SDR42E1: variants seen among roughly 807,000 people sequenced by gnomAD.
SDR42E1 encodes the protein short chain dehydrogenase/reductase family 42E, member 1.
A neutral mutation model predicts 2.6 loss-of-function variants in SDR42E1; 5 were observed. The ratio of observed to expected loss-of-function variants is 1.94; its 90% CI spans 1.01 to 4.08. The LOEUF (loss-of-function observed/expected upper bound fraction) is 4.08. Among genes scored for constraint, SDR42E1 ranks in the 30% most tolerant of loss-of-function variants. The pLI, the probability that SDR42E1 is intolerant of heterozygous loss-of-function variation, is 0.00. For missense variants in SDR42E1, 596 were observed against 478.6 expected (o/e 1.25, Z -2.29); for synonymous variants, 231 against 188.3 (o/e 1.23, Z -1.86).
rs1470116113 is a variant in SDR42E1, at chr16:82,007,108, C to T, written c.-27+4279G>A. Among the ~76,000 whole-genome samples the T allele has an allele frequency of 1.3e-5, 2 of 152,220 alleles. 1 individual carries two copies. Among genetic ancestry groups the T allele is most frequent in the South Asian group, 4.1e-4 (2 of 4,820 alleles). Reference sequence around the variant, plus strand: ...TATTTCCCATCTGTTTCCCAAGCTACAGTATAAATGCCATGTGAGTACAGA... The same window carrying T: ...TATTTCCCATCTGTTTCCCAAGCTATAGTATAAATGCCATGTGAGTACAGA... On this transcript the variant is annotated intron_variant, in intron 1 of 2. Transcript: ENST00000328945.
chr16:82,007,599 C>T (rs62046297), intron 1 of SDR42E1: 44,584 of 152,166 alleles, frequency 0.29, 8,035 homozygotes, highest in Admixed American at 0.46. Context: ...CAGCAGCACT[C>T]GAGGCTGTGC....
chr16:81,999,207 A>G lies in SDR42E1; in HGVS notation c.1086T>C (p.Arg362=). The G allele has an allele frequency of 6.2e-7, 1 of 1,614,250 alleles. No individual in the cohort carries two copies. The highest frequency in any genetic ancestry group is 2.2e-5 in the East Asian group (1 of 44,886). ...CATCCCAAACAAAACACTCCGAGTC[A>G]CGACTTCCAGAACTTCTGCCATGAC... ...AHGHGRSSGS[R]DSECFVWDGL... The change falls in exon 3 of 3, where the codon CGT becomes CGC. Residue 362 remains arginine (R), a synonymous_variant. Coordinates refer to ENST00000328945, the MANE Select transcript of SDR42E1 (RefSeq NM_145168.3).
At chr16:82,004,096 A>C (rs1298096317) in intron 1 of SDR42E1, among the ~76,000 whole-genome samples, 1 of 152,236 alleles carries the variant, frequency 6.6e-6, no homozygotes, top group Non-Finnish European at 1.5e-5. Flanking sequence ...GAGCTTACAA[A>C]TAAGAAAGAG....
Position 81,994,567 on chromosome 16 carries a change from A to C in SDR42E1, c.*4544T>G, listed in dbSNP as rs556062060. The C allele has an allele frequency of 6.6e-6, 1 of 152,320 alleles. No individual in the cohort carries two copies. The highest frequency in any genetic ancestry group is 1.9e-4 in the East Asian group (1 of 5,176). 9.4% of individuals were successfully genotyped at this position (152,320 alleles called of 1,614,324 possible). A position where few individuals can be genotyped will look rare whatever the true frequency, so the allele number is the denominator to read the frequency against. ...AGGAGCATGGGGTATCATTCTCTAA[A>C]GTGAGATATGCTGGTGAACAGCACA... On this transcript the variant is annotated 3_prime_UTR_variant, in exon 3 of 3. Coordinates refer to ENST00000328945, the MANE Select transcript of SDR42E1 (RefSeq NM_145168.3).
In SDR42E1 at chr16:81,991,551, T is replaced by A. The variant is rs1567559967; in HGVS notation, c.*7560A>T. The stretch of plus-strand genomic sequence containing the variant: ...AGGTAACATAGTGAAACACCGTCTC[T>A]ACAGAAAATAAAAGCTGGATGTGGT... On this transcript the variant is annotated 3_prime_UTR_variant, in exon 3 of 3. Transcript: ENST00000328945. 1 of 151,950 alleles carries A rather than the reference T, an allele frequency of 6.6e-6. No homozygotes were observed. The highest frequency in any genetic ancestry group is 2.1e-4 in the South Asian group (1 of 4,818). 9.4% of individuals were successfully genotyped at this position (151,950 alleles called of 1,614,324 possible).
chr16:82,004,974 T>G (rs1430181556), intron 1 of SDR42E1, among the ~76,000 whole-genome samples: 1 of 152,264 alleles, frequency 6.6e-6, no homozygotes, highest in Non-Finnish European at 1.5e-5. Flanking sequence ...TGTTCTTGTC[T>G]GGTTGAAAGT....
chr16:82,010,936 A>T (rs1022902466), intron 1 of SDR42E1, among the ~76,000 whole-genome samples: 1 of 152,232 alleles, frequency 6.6e-6, no homozygotes, highest in Non-Finnish European at 1.5e-5. Flanking sequence ...CTAGCCTATA[A>T]GGTTTTGTTT....
intron 1 of SDR42E1, among the ~76,000 whole-genome samples, chr16:82,009,652 T>C (rs1379435716): frequency 6.6e-6 from 1 of 152,290 alleles, no homozygotes; most frequent in Non-Finnish European, 1.5e-5. Flanking sequence ...CTTTTGATTT[T>C]ACAGGCTTAT....
At position 81,997,709 on chromosome 16, in the gene SDR42E1, GAACCCT is replaced by G. The variant is rs1367377690; in HGVS notation, c.*1396_*1401del. The G allele has an allele frequency of 6.6e-6, 1 of 152,182 alleles. No homozygotes were observed. The highest frequency in any genetic ancestry group is 1.5e-5 in the Non-Finnish European group (1 of 68,048). 9.4% of individuals were successfully genotyped at this position (152,182 alleles called of 1,614,324 possible). ...CCACATCTTGCTTTATGCTCCCAGTGAACCCTATGGGGTGGGTGGGTTTATACAAAG... is the reference window on the plus strand; with the variant it reads ...CCACATCTTGCTTTATGCTCCCAGTGATGGGGTGGGTGGGTTTATACAAAG... On this transcript the variant is annotated 3_prime_UTR_variant, in exon 3 of 3. Transcript: ENST00000328945.
At chr16:82,008,046 G>C (rs1913004939) in intron 1 of SDR42E1, among the ~76,000 whole-genome samples, 1 of 152,140 alleles carries the variant, frequency 6.6e-6, no homozygotes, top group Admixed American at 6.5e-5. Context: ...GGTCTTTCCT[G>C]TGCTATTCTC....
chr16:82,003,064 G>T (rs1912819993), intron 1 of SDR42E1, among the ~76,000 whole-genome samples: 1 of 152,162 alleles, frequency 6.6e-6, no homozygotes, highest in Admixed American at 6.5e-5. Context: ...CTTATGCAGA[G>T]TCAGTCAGTG....
chr16:82,006,666 C>T (rs1420984018), intron 1 of SDR42E1, among the ~76,000 whole-genome samples: 1 of 152,106 alleles, frequency 6.6e-6, no homozygotes, highest in Non-Finnish European at 1.5e-5. Context: ...TGGTGATGCA[C>T]ACCTGTAATC....
In SDR42E1 at chr16:81,995,853, G is replaced by C. The variant is rs1203093446; in HGVS notation, c.*3258C>G. The C allele has an allele frequency of 6.6e-6, 1 of 152,198 alleles. No homozygotes were observed. Among genetic ancestry groups the C allele is most frequent in the African/African-American group, 2.4e-5 (1 of 41,436 alleles). 9.4% of individuals were successfully genotyped at this position (152,198 alleles called of 1,614,324 possible). Reference sequence around the variant, plus strand: ...ACCGTACAAATGTTTACAGTTATGAGCAATGCTATAAAAGAAAGGCAGGAA... The same window carrying C: ...ACCGTACAAATGTTTACAGTTATGACCAATGCTATAAAAGAAAGGCAGGAA... On this transcript the variant is annotated 3_prime_UTR_variant, in exon 3 of 3. Coordinates refer to ENST00000328945, the MANE Select transcript of SDR42E1 (RefSeq NM_145168.3).
rs1276229804 is a variant in SDR42E1, at chr16:81,994,524, G to T, written c.*4587C>A. ...TCAGCCCCACGAAAGGGCTGGGAGG[G>T]ACTTTTTGTCACCAAAAAGGAGCAT... On this transcript the variant is annotated 3_prime_UTR_variant, in exon 3 of 3. Transcript: ENST00000328945. 6.6e-6 allele frequency: 1 copy of T among 152,200 alleles called. No individual in the cohort carries two copies. Among genetic ancestry groups the T allele is most frequent in the Non-Finnish European group, 1.5e-5 (1 of 68,054 alleles). The allele number at this position is 152,200 out of a possible 1,614,324, so 9.4% of individuals were successfully genotyped here. A position where few individuals can be genotyped will look rare whatever the true frequency, so the allele number is the denominator to read the frequency against.
chr16:82,007,243 C>T (rs993195303), intron 1 of SDR42E1, among the ~76,000 whole-genome samples: 3 of 152,194 alleles, frequency 2.0e-5, no homozygotes, highest in African/African-American at 7.2e-5. Flanking sequence ...GTCCTATCTG[C>T]AAGGAGTACT....
In SDR42E1 at chr16:81,989,119, T is replaced by A. The variant is rs1196716369; in HGVS notation, c.*9992A>T. 1 of 152,140 alleles carries A rather than the reference T, an allele frequency of 6.6e-6. No homozygotes were observed. The highest frequency in any genetic ancestry group is 6.5e-5 in the Admixed American group (1 of 15,278). 9.4% of individuals were successfully genotyped at this position (152,140 alleles called of 1,614,324 possible). On this transcript the variant is annotated 3_prime_UTR_variant, in exon 3 of 3. Transcript: ENST00000328945. ...GAGTGAAAGGAAGCACTATTAAAAA[T>A]TAAGGTGGGACTACAGGCATGAAAC...
In SDR42E1 at chr16:82,001,294, C is replaced by T. The variant is rs1256227842; in HGVS notation, c.-26-410G>A. Reference sequence around the variant, plus strand: ...CCATGCATCAGAAAATTAGAGAGCACTCTAAAGGAAGCTCCCAACATCTTT... The same window carrying T: ...CCATGCATCAGAAAATTAGAGAGCATTCTAAAGGAAGCTCCCAACATCTTT... On this transcript the variant is annotated intron_variant, in intron 1 of 2. Transcript: ENST00000328945. Among the ~76,000 whole-genome samples the T allele has an allele frequency of 3.3e-5, 5 of 152,160 alleles. No homozygotes were observed. The South Asian group carries it at 1.0e-3, about 32-fold the overall frequency.
rs1435852540 is a variant in SDR42E1, at chr16:81,995,181, A to G, written c.*3930T>C. 1 of 152,222 alleles carries G rather than the reference A, an allele frequency of 6.6e-6. No homozygotes were observed. The highest frequency in any genetic ancestry group is 1.5e-5 in the Non-Finnish European group (1 of 68,086). 9.4% of individuals were successfully genotyped at this position (152,222 alleles called of 1,614,324 possible). On this transcript the variant is annotated 3_prime_UTR_variant, in exon 3 of 3. Coordinates refer to ENST00000328945, the MANE Select transcript of SDR42E1 (RefSeq NM_145168.3). ...TTCATTGCGACCCTCCATCAATCAT[A>G]TGGATAACCTCCCACACACTCCTCA...
chr16:82,001,961 T>TACAC lies in SDR42E1; in HGVS notation c.-26-1081_-26-1078dup, dbSNP rs375862551. 9.3e-3 allele frequency among the ~76,000 whole-genome samples: 1,282 copies of TACAC among 137,274 alleles called. 5 individuals carry two copies. The highest frequency in any genetic ancestry group is 0.016 in the East Asian group (76 of 4,736). 90.1% of individuals were successfully genotyped at this position (137,274 alleles called of 152,430 possible). ...GGTCCTCAAAGGCACTGGGTGCGTA[T>TACAC]ACACACACACACACACACACACACA... is the stretch of plus-strand genomic sequence containing the variant. On this transcript the variant is annotated intron_variant, in intron 1 of 2. Transcript: ENST00000328945.
Sources: allele counts gnomAD v4.1 joint callset (sites outside exome capture counted in the v4.1 genomes callset), GRCh38; gene constraint gnomAD v4.1.1; transcripts MANE v1.5; gene names NCBI Gene and HGNC (gene_info 2026-07-23, HGNC 2026-07-21).